The following NCKAP5 variants were observed in gnomAD, a reference collection of about 807,000 sequenced individuals.
NCKAP5 encodes NCK associated protein 5.
Under a neutral mutation model 167.0 loss-of-function variants are expected in NCKAP5, and 92 were observed. The observed-to-expected ratio is 0.55, with a 90% CI of 0.47 to 0.66. NCKAP5 has a LOEUF of 0.66. Among genes scored for constraint, NCKAP5 ranks in the 30% least tolerant of loss-of-function variants. NCKAP5 has a pLI of 0.00. For missense variants in NCKAP5, 2,378 were observed against 2,315.0 expected, an observed-to-expected ratio of 1.03 and a Z score of -0.56; for synonymous variants, 891 against 877.4, an observed-to-expected ratio of 1.02 and a Z score of -0.27.
chr2:132,937,237 G>T (rs1034579822), intron 8 of NCKAP5, among the ~76,000 whole-genome samples: 6 of 152,306 alleles, frequency 3.9e-5, no homozygotes, highest in Non-Finnish European at 7.3e-5. Context: ...GCTGCTAGGA[G>T]TAGGCATGGG....
chr2:133,093,326 G>C (rs1037602345), intron 6 of NCKAP5, among the ~76,000 whole-genome samples: 2 of 152,052 alleles, frequency 1.3e-5, no homozygotes, highest in Non-Finnish European at 2.9e-5. Context: ...GATTATTCTG[G>C]AGTTTGACTC....
At chr2:133,515,895 C>T (rs79138380) in intron 3 of NCKAP5, among the ~76,000 whole-genome samples, 1 of 152,198 alleles carries the variant, frequency 6.6e-6, no homozygotes, top group Admixed American at 6.5e-5. Context: ...TTCTGCTCAT[C>T]GGTTTGACAT....
chr2:133,106,317 AC>A (rs1358237171), intron 6 of NCKAP5, among the ~76,000 whole-genome samples: 2 of 151,466 alleles, frequency 1.3e-5, no homozygotes, highest in African/African-American at 4.8e-5. Context: ...AAAAAGGAAA[AC>A]TACAGGAAGC....
intron 3 of NCKAP5, among the ~76,000 whole-genome samples, chr2:133,315,423 G>A (rs564046671): frequency 6.6e-6 from 1 of 152,290 alleles, no homozygotes; most frequent in East Asian, 1.9e-4. Flanking sequence ...TTTGTGCAAG[G>A]GGTGTTGAAT....
At chr2:132,764,319 T>G (rs867356094) in intron 16 of NCKAP5, among the ~76,000 whole-genome samples, 1 of 152,212 alleles carries the variant, frequency 6.6e-6, no homozygotes, top group African/African-American at 2.4e-5. Flanking sequence ...TTTTCAGTCC[T>G]TGGTCAGAAG....
intron 3 of NCKAP5, among the ~76,000 whole-genome samples, chr2:133,343,299 A>G (rs557828353): frequency 1.3e-5 from 2 of 152,308 alleles, no homozygotes; most frequent in East Asian, 3.9e-4. Flanking sequence ...AGCTATCTTG[A>G]AGAATATAAA....
intron 16 of NCKAP5, among the ~76,000 whole-genome samples, chr2:132,746,590 C>T (rs34328030): frequency 1.2e-3 from 186 of 152,012 alleles, no homozygotes; most frequent in Non-Finnish European, 2.3e-3. Flanking sequence ...GAAAATAAAA[C>T]GCAAGCAACA....
intron 4 of NCKAP5, among the ~76,000 whole-genome samples, chr2:133,240,969 C>A (rs887069796): frequency 6.6e-6 from 1 of 152,310 alleles, no homozygotes. Flanking sequence ...TGCTAAAATT[C>A]TGTATATCTA....
rs549343284 is a variant in NCKAP5, at chr2:133,096,774, G to A, written c.341+33204C>T. 2.6e-5 allele frequency among the ~76,000 whole-genome samples: 4 copies of A among 152,256 alleles called. No homozygotes were observed. In the South Asian group the frequency reaches 6.2e-4, roughly 24 times the overall value. On this transcript the variant is annotated intron_variant, in intron 6 of 19. Transcript: ENST00000409261. Reference sequence around the variant, plus strand: ...TTTAGCAGCCTAGAAGTTCATACAAGTTCAAAGGTACTAGTCGCTAATGAA... The same window carrying A: ...TTTAGCAGCCTAGAAGTTCATACAAATTCAAAGGTACTAGTCGCTAATGAA...
rs1189086614 is a variant in NCKAP5 at position 132,782,889 on chromosome 2, T to C, written c.3922A>G (p.Arg1308Gly). Reference protein sequence around the residue: ...RTQIITNTAERGNSLTRQNSS... With the variant: ...RTQIITNTAEGGNSLTRQNSS... The stretch of plus-strand genomic sequence containing the variant: ...TTCTGCCGGGTAAGAGAATTGCCTC[T>C]CTCGGCGGTATTGGTAATGATCTGA... The change falls in exon 14 of 20, where the codon AGA (arginine) becomes GGA (glycine). Residue 1308 changes from arginine (R) to glycine (G), a missense_variant. Around this residue, in one of 3 missense-constraint regions of NCKAP5, gnomAD observed 1,325 missense variants for 1,274.5 expected, o/e 1.04. Coordinates refer to ENST00000409261, the MANE Select transcript of NCKAP5 (RefSeq NM_207363.3). 1 of 1,613,824 alleles carries C rather than the reference T, an allele frequency of 6.2e-7. No homozygotes were observed. Among genetic ancestry groups the C allele is most frequent in the South Asian group, 1.1e-5 (1 of 91,044 alleles).
chr2:133,185,505 A>G (rs1055104226), intron 5 of NCKAP5, among the ~76,000 whole-genome samples: 1 of 152,030 alleles, frequency 6.6e-6, no homozygotes, highest in African/African-American at 2.4e-5. Context: ...GTGAAAAATG[A>G]CATTAGTATT....
intron 5 of NCKAP5, among the ~76,000 whole-genome samples, chr2:133,179,435 T>A (rs915675949): frequency 1.0e-4 from 15 of 149,626 alleles, no homozygotes; most frequent in East Asian, 1.9e-4. Flanking sequence ...AGGTTTCAAT[T>A]AAAAAAAAAT....
intron 8 of NCKAP5, among the ~76,000 whole-genome samples, chr2:132,962,074 A>G (rs1234089697): frequency 6.6e-6 from 1 of 152,124 alleles, no homozygotes; most frequent in East Asian, 1.9e-4. Context: ...CCTTTAGTTG[A>G]TATTTGTTCT....
chr2:132,711,711 C>T (rs1163167589), intron 19 of NCKAP5, among the ~76,000 whole-genome samples: 2 of 152,118 alleles, frequency 1.3e-5, no homozygotes, highest in East Asian at 1.9e-4. Context: ...GCAACCCAGA[C>T]AGACCCTCCT....
At chr2:133,597,673 CAAAAAAAAAAA>C in the NCKAP5 span, among the ~76,000 whole-genome samples, 9 of 61,106 alleles carry the variant, frequency 1.5e-4, no homozygotes, top group Non-Finnish European at 2.1e-4. Flanking sequence ...GACTCTGTCT[CAAAAAAAAAAA>C]AAAAAAAAAA....
chr2:133,359,678 G>A (rs1167149325), intron 3 of NCKAP5, among the ~76,000 whole-genome samples: 1 of 152,184 alleles, frequency 6.6e-6, no homozygotes, highest in Non-Finnish European at 1.5e-5. Context: ...AACTTCTAAT[G>A]TAACTCTTTT....
In NCKAP5 at chr2:132,785,155, T is replaced by G; in HGVS notation, c.1656A>C (p.Pro552=). Residue 552 remains proline (P), a synonymous_variant, in exon 14 of 20, where the codon CCA becomes CCC. Transcript: ENST00000409261. The stretch of plus-strand genomic sequence containing the variant: ...TCTGTACCTGAGGCGTCTGCACACT[T>G]GGGCACAGCTTCATCTCTAAGGGAC... ...SSCPLEMKLC[P]SVQTPQVQRE... is the part of the protein sequence containing the mutation. 6.2e-7 allele frequency: 1 copy of G among 1,605,144 alleles called. No homozygotes were observed. Among genetic ancestry groups the G allele is most frequent in the Non-Finnish European group, 8.5e-7 (1 of 1,176,754 alleles).
intron 10 of NCKAP5, among the ~76,000 whole-genome samples, chr2:132,865,703 C>T (rs186956634): frequency 2.8e-4 from 43 of 152,224 alleles, no homozygotes; most frequent in Middle Eastern, 3.4e-3. Context: ...AAACAAGTGA[C>T]AGAATGGGAT....
At chr2:132,728,596 G>A (rs978105614) in intron 18 of NCKAP5, among the ~76,000 whole-genome samples, 2 of 152,144 alleles carry the variant, frequency 1.3e-5, no homozygotes, top group African/African-American at 4.8e-5. Context: ...GTGCATTTCA[G>A]AAGCACTTTG....
Sources: allele counts gnomAD v4.1 joint callset (sites outside exome capture counted in the v4.1 genomes callset), GRCh38; gene constraint gnomAD v4.1.1; regional missense constraint gnomAD v4.1.1; transcripts MANE v1.5; gene names NCBI Gene and HGNC (gene_info 2026-07-23, HGNC 2026-07-21).